Variants in CAMTA1 observed in about 807,000 individuals in gnomAD.
The protein encoded by CAMTA1 is calmodulin-binding transcription activator 1.
CAMTA1 carries 27 observed loss-of-function variants against 170.9 expected under a neutral mutation model. The observed-to-expected ratio is 0.16, with a 90% confidence interval of 0.12 to 0.22. The LOEUF (loss-of-function observed/expected upper bound fraction) is 0.22. Among genes scored for constraint, CAMTA1 ranks in the 10% least tolerant of loss-of-function variants. The probability of loss-of-function intolerance (pLI) is 1.00; values close to 1 mark genes in which losing one functional copy is unlikely to be tolerated. For synonymous variants in CAMTA1, 833 were observed against 891.5 expected, an observed-to-expected ratio of 0.93 and a Z score of 1.17; for missense variants, 1,619 against 2,217.2, an observed-to-expected ratio of 0.73 and a Z score of 5.42.
chr1:7,328,454 C>A (rs1470752410), intron 5 of CAMTA1, among the ~76,000 whole-genome samples: 1 of 152,128 alleles, frequency 6.6e-6, no homozygotes, highest in Non-Finnish European at 1.5e-5. Flanking sequence ...GAGATCCTGT[C>A]ACTGCACTCC....
At chr1:7,697,145 A>G (rs1195700114) in intron 11 of CAMTA1, among the ~76,000 whole-genome samples, 2 of 152,190 alleles carry the variant, frequency 1.3e-5, no homozygotes, top group South Asian at 2.1e-4. Context: ...CGAACAGCAT[A>G]GGGAGGAAAG....
chr1:6,940,239 C>T (rs2149419852), intron 3 of CAMTA1, among the ~76,000 whole-genome samples: 1 of 152,360 alleles, frequency 6.6e-6, no homozygotes, highest in South Asian at 2.1e-4. Flanking sequence ...GATCTACTCT[C>T]TGTGAACTGG....
Position 7,736,487 on chromosome 1 carries a change from C to T in CAMTA1, c.3210C>T (p.His1070=). ...SKTFRGMTLL[H]LAAAQGYATL... ...CTTTCCGCGGAATGACCCTACTCCA[C>T]CTGGCCGCTGCCCAGGGCTATGCCA... The change falls in exon 13 of 23, where the codon CAC becomes CAT. Residue 1070 remains histidine, a synonymous_variant. Transcript: ENST00000303635. This position sits in a 1 kb window ranked among gnomAD's most constrained non-coding sequence, Gnocchi z 4.5. 2 of 1,614,184 alleles carry T rather than the reference C, an allele frequency of 1.2e-6. No individual in the cohort carries two copies. The highest frequency in any genetic ancestry group is 1.6e-4 in the Middle Eastern group (1 of 6,062).
At chr1:7,141,000 A>G (rs1339839849) in intron 4 of CAMTA1, among the ~76,000 whole-genome samples, 1 of 152,186 alleles carries the variant, frequency 6.6e-6, no homozygotes, top group African/African-American at 2.4e-5. Context: ...AAGTAGCATG[A>G]CTGTTCTGTG....
intron 3 of CAMTA1, among the ~76,000 whole-genome samples, chr1:6,903,007 T>G (rs1252916849): frequency 6.6e-6 from 1 of 152,218 alleles, no homozygotes; most frequent in Admixed American, 6.5e-5. Context: ...CCAAAAGAAC[T>G]TATATAAGAA....
intron 3 of CAMTA1, among the ~76,000 whole-genome samples, chr1:7,019,546 G>A (rs112665083): frequency 0.012 from 1,896 of 152,072 alleles, 21 homozygotes; most frequent in East Asian, 0.036. Flanking sequence ...CAGGATTGGG[G>A]CACCAGCGAC....
chr1:7,716,620 T>C (rs1412201845), intron 11 of CAMTA1, among the ~76,000 whole-genome samples: 1 of 124,454 alleles, frequency 8.0e-6, no homozygotes, highest in East Asian at 2.9e-4. Context: ...GCTTTAACTC[T>C]CACAAGTTAG....
Position 7,682,365 on chromosome 1 carries a change from C to T in CAMTA1, c.2914+4632C>T, listed in dbSNP as rs1348069936. 6.6e-6 allele frequency among the ~76,000 whole-genome samples: 1 copy of T among 152,204 alleles called. No homozygotes were observed. Among genetic ancestry groups the T allele is most frequent in the Non-Finnish European group, 1.5e-5 (1 of 68,040 alleles). On this transcript the variant is annotated intron_variant, in intron 11 of 22. Transcript: ENST00000303635. This position sits in a 1 kb window ranked among gnomAD's most constrained non-coding sequence, Gnocchi z 5.0. ...GGCAGCCTGGCCCTGGGGTAGGTGT[C>T]TGGGAAGACTGAGAGCCTCGCTCCT...
Position 7,080,084 on chromosome 1 carries a change from G to A in CAMTA1, c.235-11220G>A, listed in dbSNP as rs192431250. Among the ~76,000 whole-genome samples the A allele has an allele frequency of 9.2e-5, 14 of 152,244 alleles. No individual in the cohort carries two copies. The East Asian group carries it at 2.7e-3, about 29-fold the overall frequency. On this transcript the variant is annotated intron_variant, in intron 3 of 22. Transcript: ENST00000303635. ...TATTGTATGTAAATTATATCTCCAT[G>A]ATGCTGATTGAAAATAGGTTTTAAT...
intron 6 of CAMTA1, among the ~76,000 whole-genome samples, chr1:7,498,406 A>AGTGTGTATGAGTGTGTGGATGTGT (rs2093878454): frequency 7.0e-6 from 1 of 143,312 alleles, no homozygotes; most frequent in East Asian, 2.1e-4. Flanking sequence ...AATGTGTATG[A>AGTGTGTATGAGTGTGTGGATGTGT]GTGTGTATGA....
At chr1:7,709,874 G>GT (rs1218195710) in intron 11 of CAMTA1, among the ~76,000 whole-genome samples, 3 of 152,314 alleles carry the variant, frequency 2.0e-5, no homozygotes, top group South Asian at 2.1e-4. Context: ...CATAGTAAGC[G>GT]TAAGTATTGA....
intron 10 of CAMTA1, among the ~76,000 whole-genome samples, chr1:7,676,008 C>T (rs562680134): frequency 1.2e-4 from 19 of 152,340 alleles, no homozygotes; most frequent in South Asian, 8.3e-4. Flanking sequence ...CCATCCCCCC[C>T]GACCCCAAGC....
At chr1:7,091,187 A>T (rs867064998) in intron 3 of CAMTA1, 117 bp from the exon 4 acceptor site, 4 of 728,054 alleles carry the variant, frequency 5.5e-6, no homozygotes, top group Non-Finnish European at 9.9e-6. Flanking sequence ...TCTAGCAGGG[A>T]TGGAGTTCCA....
At chr1:7,231,372 A>AGG (rs1300518523) in intron 4 of CAMTA1, among the ~76,000 whole-genome samples, 1 of 147,646 alleles carries the variant, frequency 6.8e-6, no homozygotes, top group East Asian at 2.0e-4. Context: ...AGAGAGAGAG[A>AGG]GGTTTTATTT....
intron 3 of CAMTA1, among the ~76,000 whole-genome samples, chr1:7,072,548 G>A (rs1638784098): frequency 6.6e-6 from 1 of 152,158 alleles, no homozygotes; most frequent in Non-Finnish European, 1.5e-5. Context: ...CTAGAGAAAG[G>A]CATTCAACAA....
At chr1:7,310,888 G>A (rs1490081517) in intron 5 of CAMTA1, among the ~76,000 whole-genome samples, 1 of 151,596 alleles carries the variant, frequency 6.6e-6, no homozygotes, top group African/African-American at 2.4e-5. Context: ...ATGCTACCAT[G>A]CCCGACTAAT....
intron 6 of CAMTA1, among the ~76,000 whole-genome samples, chr1:7,528,225 C>G (rs1184326376): frequency 2.6e-5 from 4 of 152,070 alleles, no homozygotes; most frequent in Non-Finnish European, 1.5e-5. Context: ...AAAAAAACAA[C>G]AAAAGTCGAC....
chr1:7,007,981 C>T lies in CAMTA1; in HGVS notation c.235-83323C>T, dbSNP rs1239990481. On this transcript the variant is annotated intron_variant, in intron 3 of 22. Transcript: ENST00000303635. The surrounding 1 kb of genome is among the most constrained non-coding windows in gnomAD (Gnocchi z 4.5). Reference sequence around the variant, plus strand: ...AGGGAGGCCCGTGTTGGTGCCCTGTCCTCATCCAGTGGGAGGGGAGGAGAG... The same window carrying T: ...AGGGAGGCCCGTGTTGGTGCCCTGTTCTCATCCAGTGGGAGGGGAGGAGAG... 6.6e-6 allele frequency among the ~76,000 whole-genome samples: 1 copy of T among 152,190 alleles called. No individual in the cohort carries two copies. Among genetic ancestry groups the T allele is most frequent in the Non-Finnish European group, 1.5e-5 (1 of 68,034 alleles).
chr1:7,152,675 C>T (rs933964646), intron 4 of CAMTA1, among the ~76,000 whole-genome samples: 2 of 152,188 alleles, frequency 1.3e-5, no homozygotes, highest in African/African-American at 2.4e-5. Context: ...CAGGCTTCTC[C>T]ACCTCCCAGG....
Sources: gnomAD v4.1 joint callset for allele counts (sites outside exome capture counted in the v4.1 genomes callset) on GRCh38, gnomAD v4.1.1 for gene constraint, Gnocchi (gnomAD v3.1) non-coding constraint, MANE v1.5 for transcripts, NCBI Gene and HGNC (gene_info 2026-07-23, HGNC 2026-07-21) for gene names.